CNR1: variants seen among roughly 807,000 people sequenced by gnomAD.
The protein encoded by CNR1 is cannabinoid receptor 1.
In CNR1, 10 loss-of-function variants were observed where a neutral mutation model predicts 23.0. The observed-to-expected ratio is 0.43, with a 90% CI of 0.27 to 0.74. The LOEUF is 0.74. CNR1 is among the 30% of genes least tolerant of loss of function. The pLI is 0.19. For synonymous variants in CNR1, 271 were observed against 255.2 expected (o/e 1.06, Z -0.59); for missense variants, 422 against 618.8 (o/e 0.68, Z 3.37).
chr6:88,145,578 C>T (rs952727019), intron 1 of CNR1, among the ~76,000 whole-genome samples: 1 of 152,194 alleles, frequency 6.6e-6, no homozygotes, highest in Non-Finnish European at 1.5e-5. Context: ...ATTATTTAAA[C>T]CCTCTGTATT....
chr6:88,166,839 C>T (rs1778389897), upstream of CNR1, among the ~76,000 whole-genome samples: 1 of 152,034 alleles, frequency 6.6e-6, no homozygotes, highest in Non-Finnish European at 1.5e-5. Flanking sequence ...CGCGCCGGGC[C>T]CGGGGGTGCG....
chr6:88,140,001 C>T lies in CNR1; in HGVS notation c.*3855G>A, dbSNP rs76477957. ...AATAAAATATACTGTGGGCTTAATACATTGTAAATATTACAGAAGAAGTAC... is the reference window on the plus strand; with the variant it reads ...AATAAAATATACTGTGGGCTTAATATATTGTAAATATTACAGAAGAAGTAC... On this transcript the variant is annotated 3_prime_UTR_variant, in exon 2 of 2. Coordinates refer to ENST00000369501, the MANE Select transcript of CNR1 (RefSeq NM_016083.6). 2.1e-3 allele frequency: 313 copies of T among 152,584 alleles called. 2 individuals carry two copies. Among genetic ancestry groups the T allele is most frequent in the African/African-American group, 6.2e-3 (256 of 41,536 alleles). The allele number at this position is 152,584 out of a possible 1,614,324, so 9.5% of individuals were successfully genotyped here. A position where few individuals can be genotyped will look rare whatever the true frequency, so the allele number is the denominator to read the frequency against.
intron 1 of CNR1, among the ~76,000 whole-genome samples, chr6:88,145,768 G>A (rs918100865): frequency 5.3e-5 from 8 of 152,212 alleles, no homozygotes; most frequent in Admixed American, 3.3e-4. Context: ...GCACTGATGT[G>A]TCACATGACC....
intron 1 of CNR1, among the ~76,000 whole-genome samples, chr6:88,147,260 C>T (rs528445471): frequency 5.3e-5 from 8 of 152,246 alleles, no homozygotes; most frequent in African/African-American, 9.6e-5. Flanking sequence ...TGCAGTGAGG[C>T]GAGATTATGC....
chr6:88,147,237 G>A (rs1243658486), intron 1 of CNR1, among the ~76,000 whole-genome samples: 5 of 152,194 alleles, frequency 3.3e-5, no homozygotes, highest in African/African-American at 4.8e-5. Context: ...GCTTGAACCC[G>A]GGAGGCGGAG....
chr6:88,162,927 T>C (rs1778180166), intron 1 of CNR1: 1 of 152,168 alleles, frequency 6.6e-6, no homozygotes, highest in Admixed American at 6.5e-5. Flanking sequence ...TAGAAAATGA[T>C]AAATACAAAA....
Position 88,144,428 on chromosome 6 carries a change from T to C in CNR1, c.847A>G (p.Thr283Ala). Residue 283 changes from threonine to alanine, a missense_variant, in exon 2 of 2, where the codon ACC becomes GCC. Physicochemically the swap from Thr to Ala is moderately conservative, Grantham distance 58. Coordinates refer to ENST00000369501, the MANE Select transcript of CNR1 (RefSeq NM_016083.6). This position sits in a 1 kb window ranked among gnomAD's most constrained non-coding sequence, Gnocchi z 7.8. ...ACGATGAACAGAAGCAGTACGCTGG[T>C]GACCCCGATCCAGAACATCAGGTAG... ...ETYLMFWIGV[T>A]SVLLLFIVYA... The C allele has an allele frequency of 6.2e-7, 1 of 1,614,130 alleles. No individual in the cohort carries two copies.
intron 1 of CNR1, among the ~76,000 whole-genome samples, chr6:88,158,992 AT>A (rs1777947067): frequency 6.6e-6 from 1 of 152,112 alleles, no homozygotes; most frequent in Non-Finnish European, 1.5e-5. Context: ...TTTTTTATGG[AT>A]TTTGTCCAGC....
At position 88,141,201 on chromosome 6, in the gene CNR1, G is replaced by A. The variant is rs1276433927; in HGVS notation, c.*2655C>T. ...AATTCTAATGAGTATATTCATTGGGGACAATGTTTTCGTCACTTGGGTTAA... is the reference window on the plus strand; with the variant it reads ...AATTCTAATGAGTATATTCATTGGGAACAATGTTTTCGTCACTTGGGTTAA... On this transcript the variant is annotated 3_prime_UTR_variant, in exon 2 of 2. Transcript: ENST00000369501. 6.6e-6 allele frequency: 1 copy of A among 152,638 alleles called. No homozygotes were observed. Among genetic ancestry groups the A allele is most frequent in the Non-Finnish European group, 1.5e-5 (1 of 68,026 alleles). 9.5% of individuals were successfully genotyped at this position (152,638 alleles called of 1,614,324 possible). A position where few individuals can be genotyped will look rare whatever the true frequency, so the allele number is the denominator to read the frequency against.
At chr6:88,160,435 CTTTT>C (rs1220920560) in intron 1 of CNR1, among the ~76,000 whole-genome samples, 9 of 135,160 alleles carry the variant, frequency 6.7e-5, no homozygotes, top group Admixed American at 7.4e-5. Flanking sequence ...TTTTTCTTTT[CTTTT>C]TTTTTTTTTT....
Position 88,143,747 on chromosome 6 carries a change from T to C in CNR1, c.*109A>G, listed in dbSNP as rs944900667. On this transcript the variant is annotated 3_prime_UTR_variant, in exon 2 of 2. Coordinates refer to ENST00000369501, the MANE Select transcript of CNR1 (RefSeq NM_016083.6). ...GATCATGGTGACAATCACCTTTTCA[T>C]TGAGCATGGTAAAGTTAAAAAAATA... 2.1e-5 allele frequency: 16 copies of C among 775,680 alleles called. No homozygotes were observed. Among genetic ancestry groups the C allele is most frequent in the African/African-American group, 8.6e-5 (5 of 57,836 alleles). 48.0% of individuals were successfully genotyped at this position (775,680 alleles called of 1,614,324 possible). A position where few individuals can be genotyped will look rare whatever the true frequency, so the allele number is the denominator to read the frequency against.
Position 88,144,106 on chromosome 6 carries a change from G to A in CNR1, c.1169C>T (p.Ser390Phe). ...AGCATAGATGATGGGGTTCACGGTGGAGTTCAGCAGGCAGAGCATACTGCA... is the reference window on the plus strand; with the variant it reads ...AGCATAGATGATGGGGTTCACGGTGAAGTTCAGCAGGCAGAGCATACTGCA... ...AFCSMLCLLN[S>F]TVNPIIYALR... is the part of the protein sequence containing the mutation. The change falls in exon 2 of 2, where the codon TCC (serine) becomes TTC (phenylalanine). Residue 390 changes from serine (S) to phenylalanine (F), a missense_variant. Transcript: ENST00000369501. The surrounding 1 kb of genome is among the most constrained non-coding windows in gnomAD (Gnocchi z 7.8). 1 of 1,614,118 alleles carries A rather than the reference G, an allele frequency of 6.2e-7. No homozygotes were observed. The highest frequency in any genetic ancestry group is 8.5e-7 in the Non-Finnish European group (1 of 1,180,032).
At chr6:88,160,099 A>G (rs1778011214) in intron 1 of CNR1, among the ~76,000 whole-genome samples, 1 of 152,064 alleles carries the variant, frequency 6.6e-6, no homozygotes. Flanking sequence ...AGGCTGAGGC[A>G]GGCGGATCAC....
intron 1 of CNR1, among the ~76,000 whole-genome samples, chr6:88,151,647 A>G (rs1777526321): frequency 6.6e-6 from 1 of 151,656 alleles, no homozygotes; most frequent in Non-Finnish European, 1.5e-5. Context: ...GCTATATACT[A>G]TATACTAATT....
At chr6:88,161,823 CT>C (rs1018659179) in intron 1 of CNR1, among the ~76,000 whole-genome samples, 144 of 152,318 alleles carry the variant, frequency 9.5e-4, no homozygotes, top group African/African-American at 3.2e-3. Flanking sequence ...ACCTGCCCCC[CT>C]AACAAATTTC....
At chr6:88,157,378 C>T (rs371120948) in intron 1 of CNR1, among the ~76,000 whole-genome samples, 3 of 152,112 alleles carry the variant, frequency 2.0e-5, no homozygotes, top group Admixed American at 6.5e-5. Context: ...ACATAGTTCT[C>T]GCTTTGGTTG....
rs779516787 is a variant in CNR1, at chr6:88,144,404, C to A, written c.871G>T (p.Val291Leu). ...GVTSVLLLFI[V>L]YAYMYILWKA... The stretch of plus-strand genomic sequence containing the variant: ...CAGAGAATATACATGTACGCATACA[C>A]GATGAACAGAAGCAGTACGCTGGTG... The change falls in exon 2 of 2, where the codon GTG becomes TTG. Residue 291 changes from valine to leucine, a missense_variant. Val to Leu is a conservative substitution (Grantham distance 32). Coordinates refer to ENST00000369501, the MANE Select transcript of CNR1 (RefSeq NM_016083.6). The surrounding 1 kb of genome is among the most constrained non-coding windows in gnomAD (Gnocchi z 7.8). 1.2e-6 allele frequency: 2 copies of A among 1,614,104 alleles called. No homozygotes were observed. Among genetic ancestry groups the A allele is most frequent in the African/African-American group, 1.3e-5 (1 of 75,040 alleles).
intron 1 of CNR1, among the ~76,000 whole-genome samples, chr6:88,160,517 C>G (rs1475764663): frequency 6.6e-6 from 1 of 150,994 alleles, no homozygotes; most frequent in East Asian, 1.9e-4. Context: ...TCACTGCAAC[C>G]TCTGTCCCCT....
intron 1 of CNR1, among the ~76,000 whole-genome samples, chr6:88,146,722 T>G (rs960560223): frequency 2.0e-5 from 3 of 152,224 alleles, no homozygotes; most frequent in African/African-American, 7.2e-5. Flanking sequence ...CTATAACAAT[T>G]AAAATAAGAA....
Sources: allele counts gnomAD v4.1 joint callset (sites outside exome capture counted in the v4.1 genomes callset), GRCh38; gene constraint gnomAD v4.1.1; non-coding constraint Gnocchi (gnomAD v3.1); transcripts MANE v1.5; gene names NCBI Gene and HGNC (gene_info 2026-07-23, HGNC 2026-07-21).